Variants in ARMC9 observed in about 807,000 individuals in gnomAD.
The protein encoded by ARMC9 is armadillo repeat containing 9.
Under a neutral mutation model 107.0 loss-of-function variants are expected in ARMC9, and 94 were observed. That is an observed-to-expected ratio of 0.88 (90% CI 0.74 to 1.04). ARMC9 has a LOEUF of 1.04. Ranked by LOEUF, ARMC9 falls within the 50% of genes least tolerant of loss-of-function variation. The pLI is 0.00. For synonymous variants in ARMC9, 380 were observed against 396.9 expected (o/e 0.96, Z 0.51); for missense variants, 942 against 1,030.1 (o/e 0.91, Z 1.17).
intron 7 of ARMC9, among the ~76,000 whole-genome samples, chr2:231,229,184 T>C (rs1235959386): frequency 6.6e-6 from 1 of 152,026 alleles, no homozygotes; most frequent in Non-Finnish European, 1.5e-5. Flanking sequence ...CTATGGAGAT[T>C]GGAGATTCGC....
chr2:231,360,866 C>T lies in ARMC9; in HGVS notation c.2244C>T (p.Gly748=). ...RQPREAPQDP[G]NGVTTRECAS... is the part of the protein sequence containing the mutation. ...CAAGGGAGGCGCCCCAGGACCCAGGCAATGGAGTGACCACCAGGTAAGGGG... is the reference window on the plus strand; with the variant it reads ...CAAGGGAGGCGCCCCAGGACCCAGGTAATGGAGTGACCACCAGGTAAGGGG... The change falls in exon 23 of 25, where the codon GGC becomes GGT. Residue 748 remains glycine (G), a synonymous_variant. Coordinates refer to ENST00000611582, the MANE Select transcript of ARMC9 (RefSeq NM_001352754.2). This position sits in a 1 kb window ranked among gnomAD's most constrained non-coding sequence, Gnocchi z 4.7. 6.5e-7 allele frequency: 1 copy of T among 1,533,114 alleles called. No homozygotes were observed. The allele number at this position is 1,533,114 out of a possible 1,614,324, so 95.0% of individuals were successfully genotyped here. A position where few individuals can be genotyped will look rare whatever the true frequency, so the allele number is the denominator to read the frequency against.
At chr2:231,366,168 G>A (rs1559509096) in intron 23 of ARMC9, among the ~76,000 whole-genome samples, 1 of 152,172 alleles carries the variant, frequency 6.6e-6, no homozygotes, top group Non-Finnish European at 1.5e-5. Flanking sequence ...TGCCGTTCAA[G>A]TCCAAAGGCC....
intron 9 of ARMC9, among the ~76,000 whole-genome samples, chr2:231,247,176 C>T (rs2036849927): frequency 6.6e-6 from 1 of 152,148 alleles, no homozygotes; most frequent in East Asian, 1.9e-4. Context: ...AGGATGGTCT[C>T]GATCTCTTGA....
chr2:231,237,175 C>CATGT (rs71296843), intron 8 of ARMC9, among the ~76,000 whole-genome samples: 1 of 148,698 alleles, frequency 6.7e-6, no homozygotes, highest in African/African-American at 2.5e-5. Flanking sequence ...TCTGCGTATG[C>CATGT]GTGTGTGTGT....
chr2:231,339,550 C>T (rs2044363492), intron 20 of ARMC9, among the ~76,000 whole-genome samples: 1 of 152,158 alleles, frequency 6.6e-6, no homozygotes, highest in African/African-American at 2.4e-5. Flanking sequence ...AATCCTCCTG[C>T]CTCAGCCTCT....
chr2:231,252,903 G>A (rs1559355110), intron 9 of ARMC9, among the ~76,000 whole-genome samples: 1 of 150,376 alleles, frequency 6.6e-6, no homozygotes, highest in Non-Finnish European at 1.5e-5. Context: ...GCCTCCCAAA[G>A]TGTTGGGAGT....
chr2:231,239,981 G>C lies in ARMC9; in HGVS notation c.819G>C (p.Leu273=). 1 of 1,614,110 alleles carries C rather than the reference G, an allele frequency of 6.2e-7. No individual in the cohort carries two copies. Among genetic ancestry groups the C allele is most frequent in the Non-Finnish European group, 8.5e-7 (1 of 1,180,002 alleles). The change falls in exon 9 of 25, where the codon CTG becomes CTC. Residue 273 remains leucine (L), a synonymous_variant. Coordinates refer to ENST00000611582, the MANE Select transcript of ARMC9 (RefSeq NM_001352754.2). ...PEYLQSVCVR[L]FSNQMRQSLA... ...ACCTCCAGAGCGTCTGTGTCCGCCT[G>C]TTCAGTAACCAGATGCGGCAGAGCC...
At chr2:231,309,166 C>G (rs1177907955) in intron 19 of ARMC9, among the ~76,000 whole-genome samples, 1 of 152,206 alleles carries the variant, frequency 6.6e-6, no homozygotes, top group Non-Finnish European at 1.5e-5. Context: ...ATGCACCACC[C>G]AGCAGGCTGA....
At chr2:231,235,975 C>CG (rs2035676217) in intron 8 of ARMC9, among the ~76,000 whole-genome samples, 1 of 152,108 alleles carries the variant, frequency 6.6e-6, no homozygotes, top group African/African-American at 2.4e-5. Flanking sequence ...AATATTGAGA[C>CG]GGGGTCTTGC....
intron 16 of ARMC9, among the ~76,000 whole-genome samples, chr2:231,279,511 C>CTTTT (rs57779512): frequency 2.4e-5 from 3 of 124,806 alleles, no homozygotes; most frequent in Admixed American, 8.2e-5. Context: ...TTTCTTTTTT[C>CTTTT]TTTTTTTTTT....
chr2:231,225,179 G>A (rs917077985), intron 6 of ARMC9, among the ~76,000 whole-genome samples: 2 of 152,144 alleles, frequency 1.3e-5, no homozygotes, highest in African/African-American at 4.8e-5. Flanking sequence ...AATAAAGGTA[G>A]GTACATGTAT....
At chr2:231,202,324 T>C (rs1559276942) in intron 1 of ARMC9, among the ~76,000 whole-genome samples, 1 of 149,436 alleles carries the variant, frequency 6.7e-6, no homozygotes, top group Admixed American at 6.6e-5. Flanking sequence ...TTTCACTTTT[T>C]TTTTTTTTTT....
intron 9 of ARMC9, among the ~76,000 whole-genome samples, chr2:231,240,544 C>T (rs542308851): frequency 6.6e-6 from 1 of 152,338 alleles, no homozygotes; most frequent in African/African-American, 2.4e-5. Flanking sequence ...CACATATGCA[C>T]AAAATCTGTT....
At chr2:231,260,848 A>G (rs2038267378) in intron 11 of ARMC9, among the ~76,000 whole-genome samples, 1 of 152,204 alleles carries the variant, frequency 6.6e-6, no homozygotes, top group African/African-American at 2.4e-5. Context: ...ATCTTCACAG[A>G]ATAACCAGGA....
Position 231,214,826 on chromosome 2 carries a change from C to T in ARMC9, c.178-5C>T, listed in dbSNP as rs747328656. On this transcript the variant is annotated splice_polypyrimidine_tract_variant and splice_region_variant and intron_variant, in intron 3 of 24. Transcript: ENST00000611582. ...GAGGTATGTAGTCTGATGTCTTCTCCACAGAAGGATCTTGTCGCTGCATTT... is the reference window on the plus strand; with the variant it reads ...GAGGTATGTAGTCTGATGTCTTCTCTACAGAAGGATCTTGTCGCTGCATTT... 3.7e-6 allele frequency: 6 copies of T among 1,613,586 alleles called. No individual in the cohort carries two copies. The highest frequency in any genetic ancestry group is 5.1e-6 in the Non-Finnish European group (6 of 1,179,674).
At chr2:231,271,107 A>G (rs1476433519) in intron 13 of ARMC9, 35 bp downstream of exon 13, 4 of 1,600,492 alleles carry the variant, frequency 2.5e-6, no homozygotes, top group Non-Finnish European at 3.4e-6. Context: ...GATAAGAGCT[A>G]GGTCATATTG....
At chr2:231,220,206 C>CT (rs898057947) in intron 5 of ARMC9, among the ~76,000 whole-genome samples, 67 of 151,336 alleles carry the variant, frequency 4.4e-4, no homozygotes, top group African/African-American at 1.5e-3. Context: ...TCAGTTAACT[C>CT]TTTTTTTTTC....
intron 4 of ARMC9, 24 bp downstream of exon 4, chr2:231,215,025 T>C: frequency 6.2e-7 from 1 of 1,610,730 alleles, no homozygotes; most frequent in Non-Finnish European, 8.5e-7. Context: ...GTGATGCGGG[T>C]GGGTCTGAGT....
intron 1 of ARMC9, among the ~76,000 whole-genome samples, chr2:231,200,856 A>AT (rs2125296080): frequency 6.6e-6 from 1 of 151,930 alleles, no homozygotes; most frequent in South Asian, 2.1e-4. Context: ...AAAAAAAAAA[A>AT]GCCTTGGTAG....
Sources: allele counts gnomAD v4.1 joint callset (sites outside exome capture counted in the v4.1 genomes callset), GRCh38; gene constraint gnomAD v4.1.1; non-coding constraint Gnocchi (gnomAD v3.1); transcripts MANE v1.5; gene names NCBI Gene and HGNC (gene_info 2026-07-23, HGNC 2026-07-21).